CAP2: variants seen among roughly 807,000 people sequenced by gnomAD.
CAP2 encodes cyclase associated actin cytoskeleton regulatory protein 2.
A neutral mutation model predicts 57.7 loss-of-function variants in CAP2; 24 were observed. That is an observed-to-expected ratio of 0.42 (90% CI 0.30 to 0.58). The LOEUF is 0.58. Ranked by LOEUF, CAP2 falls within the 20% of genes least tolerant of loss-of-function variation. The pLI is 0.22. For synonymous variants in CAP2, 194 were observed against 207.2 expected (o/e 0.94, Z 0.55); for missense variants, 501 against 590.3 (o/e 0.85, Z 1.57).
intron 7 of CAP2, among the ~76,000 whole-genome samples, chr6:17,532,567 G>C (rs1455350718): frequency 6.6e-6 from 1 of 150,596 alleles, no homozygotes; most frequent in African/African-American, 2.4e-5. Context: ...CCAACATAGT[G>C]AAACCCCTTC....
intron 3 of CAP2, among the ~76,000 whole-genome samples, chr6:17,438,640 A>C (rs578068334): frequency 0.023 from 3,379 of 145,420 alleles, 177 homozygotes; most frequent in African/African-American, 0.067. Flanking sequence ...GGGGTTTCAC[A>C]GTGTTAGCCA....
intron 3 of CAP2, among the ~76,000 whole-genome samples, chr6:17,452,851 G>A (rs1042030226): frequency 3.3e-5 from 5 of 151,882 alleles, no homozygotes; most frequent in South Asian, 2.1e-4. Flanking sequence ...CACCTCACCC[G>A]TAGTCTCCCT....
chr6:17,394,127 T>TG (rs1164085833), intron 1 of CAP2, among the ~76,000 whole-genome samples: 3 of 109,088 alleles, frequency 2.8e-5, no homozygotes, highest in Admixed American at 2.3e-4. Context: ...GCTCTAACTT[T>TG]GGGGGGTCTC....
intron 3 of CAP2, among the ~76,000 whole-genome samples, chr6:17,447,537 C>T (rs192346365): frequency 2.6e-4 from 40 of 152,330 alleles, no homozygotes; most frequent in South Asian, 4.1e-4. Flanking sequence ...CTTGCTCTGT[C>T]GCTCAGGCTG....
At chr6:17,431,882 G>A (rs1759747516) in intron 3 of CAP2, among the ~76,000 whole-genome samples, 1 of 152,034 alleles carries the variant, frequency 6.6e-6, no homozygotes, top group Non-Finnish European at 1.5e-5. Context: ...GCTTGCAATA[G>A]GGTGGCCTCA....
At chr6:17,523,217 G>T (rs1278096689) in intron 7 of CAP2, among the ~76,000 whole-genome samples, 1 of 152,190 alleles carries the variant, frequency 6.6e-6, no homozygotes, top group African/African-American at 2.4e-5. Flanking sequence ...AAGAGATGGA[G>T]TAGCCACTGA....
At chr6:17,406,919 T>C (rs1758994677) in intron 1 of CAP2, among the ~76,000 whole-genome samples, 1 of 152,106 alleles carries the variant, frequency 6.6e-6, no homozygotes. Context: ...CCAATTCTGA[T>C]TTAAGGTCGA....
In CAP2 at chr6:17,543,144, G is replaced by A. The variant is rs778731769; in HGVS notation, c.1209+1G>A. 2 of 1,611,804 alleles carry A rather than the reference G, an allele frequency of 1.2e-6. No individual in the cohort carries two copies. The highest frequency in any genetic ancestry group is 1.3e-5 in the African/African-American group (1 of 74,918). ...CAACTCCCAGGACATTCAAATCCAG[G>A]TAAGCAGAGCCTTTCCAACCATGCT... On this transcript the variant is annotated splice_donor_variant, in intron 11 of 12. Coordinates refer to ENST00000229922, the MANE Select transcript of CAP2 (RefSeq NM_006366.3). LOFTEE classifies it high-confidence loss of function.
chr6:17,503,463 G>A (rs907252975), intron 4 of CAP2, among the ~76,000 whole-genome samples: 6 of 152,094 alleles, frequency 3.9e-5, no homozygotes, highest in Non-Finnish European at 8.8e-5. Context: ...AATTAGCTGG[G>A]TGTGGTGGCG....
intron 4 of CAP2, among the ~76,000 whole-genome samples, chr6:17,473,224 C>A (rs1368791701): frequency 6.6e-6 from 1 of 152,174 alleles, no homozygotes; most frequent in African/African-American, 2.4e-5. Flanking sequence ...CTGTTCCATA[C>A]TAAGTTCGTT....
rs139515569 is a variant in CAP2 at position 17,443,563 on chromosome 6, C to T, written c.222+16873C>T. ...ATTTCTATTCATGCACCCATTCCCACAAAACACACAGACACACACACACAC... is the reference window on the plus strand; with the variant it reads ...ATTTCTATTCATGCACCCATTCCCATAAAACACACAGACACACACACACAC... On this transcript the variant is annotated intron_variant, in intron 3 of 12. Coordinates refer to ENST00000229922, the MANE Select transcript of CAP2 (RefSeq NM_006366.3). 4.6e-3 allele frequency among the ~76,000 whole-genome samples: 525 copies of T among 114,330 alleles called. 4 individuals carry two copies. The highest frequency in any genetic ancestry group is 0.02 in the African/African-American group (502 of 24,962). 75.0% of individuals were successfully genotyped at this position (114,330 alleles called of 152,430 possible).
At chr6:17,455,803 G>C (rs1055201562) in intron 3 of CAP2, among the ~76,000 whole-genome samples, 5 of 152,256 alleles carry the variant, frequency 3.3e-5, no homozygotes, top group African/African-American at 1.2e-4. Flanking sequence ...CCAAAGTGCT[G>C]GGATTACAGG....
intron 1 of CAP2, among the ~76,000 whole-genome samples, chr6:17,398,932 G>A (rs1758739343): frequency 6.6e-6 from 1 of 152,192 alleles, no homozygotes; most frequent in Non-Finnish European, 1.5e-5. Context: ...ATCTGAAACT[G>A]AAACTTTGTA....
At chr6:17,524,185 TG>T (rs1392710127) in intron 7 of CAP2, among the ~76,000 whole-genome samples, 2 of 152,200 alleles carry the variant, frequency 1.3e-5, no homozygotes, top group Non-Finnish European at 2.9e-5. Context: ...CTTCAATTTC[TG>T]CCTTTTGAAA....
At chr6:17,394,759 C>T (rs1346690878) in intron 1 of CAP2, among the ~76,000 whole-genome samples, 2 of 149,174 alleles carry the variant, frequency 1.3e-5, no homozygotes, top group African/African-American at 2.4e-5. Flanking sequence ...TGTAAAATTA[C>T]AACGGTAGAG....
chr6:17,408,935 C>G (rs958731110), intron 1 of CAP2, among the ~76,000 whole-genome samples: 1 of 151,308 alleles, frequency 6.6e-6, no homozygotes, highest in African/African-American at 2.4e-5. Flanking sequence ...TCCCCAAGTG[C>G]TGGGATTACA....
intron 3 of CAP2, among the ~76,000 whole-genome samples, chr6:17,452,389 C>T (rs551100178): frequency 1.3e-5 from 2 of 152,212 alleles, no homozygotes; most frequent in Non-Finnish European, 2.9e-5. Context: ...GCACTTCTGG[C>T]TTACTTCTTT....
intron 4 of CAP2, among the ~76,000 whole-genome samples, chr6:17,504,244 T>C (rs1263785647): frequency 6.6e-6 from 1 of 152,148 alleles, no homozygotes; most frequent in Non-Finnish European, 1.5e-5. Context: ...AAGCATGACA[T>C]GTTCTCTCAT....
rs565824863 is a variant in CAP2 at position 17,491,996 on chromosome 6, T to A, written c.301-15173T>A. 2.6e-5 allele frequency among the ~76,000 whole-genome samples: 4 copies of A among 152,330 alleles called. No individual in the cohort carries two copies. In the South Asian group the frequency reaches 6.2e-4, roughly 24 times the overall value. On this transcript the variant is annotated intron_variant, in intron 4 of 12. Transcript: ENST00000229922. The stretch of plus-strand genomic sequence containing the variant: ...CAAATAAATCCCATTGTCTATCCAG[T>A]TCAGCTGCTCTTGGCCCCAGCCTTG...
Sources: allele counts gnomAD v4.1 joint callset (sites outside exome capture counted in the v4.1 genomes callset), GRCh38; gene constraint gnomAD v4.1.1; transcripts MANE v1.5; gene names NCBI Gene and HGNC (gene_info 2026-07-23, HGNC 2026-07-21).